PRKN: variants seen among roughly 807,000 people sequenced by gnomAD.
PRKN encodes parkin RBR E3 ubiquitin protein ligase.
Under a neutral mutation model 59.5 loss-of-function variants are expected in PRKN, and 56 were observed. The observed-to-expected ratio is 0.94, with a 90% CI of 0.76 to 1.18. PRKN has a LOEUF of 1.18. Among genes scored for constraint, PRKN ranks in the 50% most tolerant of loss-of-function variants. The pLI is 0.00. For missense variants in PRKN, 657 were observed against 596.4 expected, an observed-to-expected ratio of 1.10 and a Z score of -1.06; for synonymous variants, 250 against 222.1, an observed-to-expected ratio of 1.13 and a Z score of -1.12.
At chr6:161,501,673 G>C (rs1043463583) in intron 9 of PRKN, among the ~76,000 whole-genome samples, 17 of 152,108 alleles carry the variant, frequency 1.1e-4, no homozygotes, top group Admixed American at 5.9e-4. Flanking sequence ...ATCTGCAACT[G>C]TCTCTCTTCT....
chr6:161,863,327 A>T (rs537921505), intron 6 of PRKN, among the ~76,000 whole-genome samples: 4,754 of 149,532 alleles, frequency 0.032, 239 homozygotes, highest in African/African-American at 0.11. Context: ...GGATTTATTA[A>T]AAAAAAAAAG....
chr6:161,845,445 C>T (rs1055403223), intron 6 of PRKN, among the ~76,000 whole-genome samples: 1 of 152,184 alleles, frequency 6.6e-6, no homozygotes, highest in African/African-American at 2.4e-5. Context: ...GATGCTAGCA[C>T]ACCATTTGAC....
At chr6:162,078,925 G>A (rs1300017652) in intron 4 of PRKN, among the ~76,000 whole-genome samples, 1 of 151,958 alleles carries the variant, frequency 6.6e-6, no homozygotes, top group Non-Finnish European at 1.5e-5. Context: ...TAATTTAATA[G>A]ATCAGACCCT....
chr6:161,829,671 T>C (rs1394072446), intron 6 of PRKN, among the ~76,000 whole-genome samples: 2 of 151,944 alleles, frequency 1.3e-5, no homozygotes, highest in East Asian at 3.9e-4. Flanking sequence ...GCAGAAAGCT[T>C]TGTGGACAGA....
chr6:161,896,409 T>C lies in PRKN; in HGVS notation c.734+76893A>G, dbSNP rs1286631310. On this transcript the variant is annotated intron_variant, in intron 6 of 11. Transcript: ENST00000366898. ...GCCCATTTAGCAGAGGCCATGTGTC[T>C]ATCTCCCATCAACAACCATAGTGGA... Among the ~76,000 whole-genome samples the C allele has an allele frequency of 2.0e-5, 3 of 152,146 alleles. No homozygotes were observed. The East Asian group carries it at 5.8e-4, about 29-fold the overall frequency.
chr6:162,338,932 T>C (rs1783988167), intron 2 of PRKN, among the ~76,000 whole-genome samples: 1 of 145,490 alleles, frequency 6.9e-6, no homozygotes, highest in African/African-American at 2.6e-5. Flanking sequence ...GGAGCGCCTC[T>C]GCCCGGCCGC....
At chr6:161,668,703 A>G (rs1450024858) in intron 7 of PRKN, among the ~76,000 whole-genome samples, 2 of 152,212 alleles carry the variant, frequency 1.3e-5, no homozygotes, top group Non-Finnish European at 2.9e-5. Flanking sequence ...AGAAAAAAAT[A>G]CATTATACTT....
At chr6:161,699,230 A>T (rs186943155) in intron 7 of PRKN, among the ~76,000 whole-genome samples, 1 of 152,292 alleles carries the variant, frequency 6.6e-6, no homozygotes, top group East Asian at 1.9e-4. Context: ...GTTGAGAATG[A>T]GGTGGAGGAA....
intron 5 of PRKN, among the ~76,000 whole-genome samples, chr6:161,991,568 G>A (rs546146591): frequency 2.0e-5 from 3 of 152,054 alleles, no homozygotes; most frequent in African/African-American, 4.8e-5. Flanking sequence ...CTGGCCAGGC[G>A]TGGTGGCTCA....
chr6:161,995,879 C>A (rs142393738), intron 5 of PRKN, among the ~76,000 whole-genome samples: 1 of 152,210 alleles, frequency 6.6e-6, no homozygotes, highest in African/African-American at 2.4e-5. Context: ...AGGTGGCTTA[C>A]GCCTGTAATC....
intron 7 of PRKN, among the ~76,000 whole-genome samples, chr6:161,752,799 T>C (rs1425013922): frequency 1.3e-5 from 2 of 152,204 alleles, no homozygotes; most frequent in East Asian, 3.9e-4. Flanking sequence ...GCAAGTTCAG[T>C]AAACAGATAC....
chr6:162,143,531 G>A (rs778582891), intron 4 of PRKN, among the ~76,000 whole-genome samples: 11 of 152,152 alleles, frequency 7.2e-5, no homozygotes, highest in Non-Finnish European at 1.0e-4. Context: ...ACTTCTGTCA[G>A]CTTTAAAATC....
At chr6:162,718,025 C>T (rs1314719703) in intron 1 of PRKN, among the ~76,000 whole-genome samples, 1 of 152,168 alleles carries the variant, frequency 6.6e-6, no homozygotes, top group East Asian at 1.9e-4. Flanking sequence ...TGCCGGTATA[C>T]TTCCTGATAT....
At chr6:162,598,571 G>A (rs1400584679) in intron 1 of PRKN, among the ~76,000 whole-genome samples, 1 of 152,168 alleles carries the variant, frequency 6.6e-6, no homozygotes, top group African/African-American at 2.4e-5. Flanking sequence ...GTTGTTGCAA[G>A]GCTGGGCACG....
At chr6:162,184,075 A>G (rs1030978595) in intron 4 of PRKN, among the ~76,000 whole-genome samples, 2 of 152,198 alleles carry the variant, frequency 1.3e-5, no homozygotes, top group African/African-American at 2.4e-5. Context: ...CTTTAATTTT[A>G]ATTCATGAAA....
At chr6:161,786,808 G>A (rs934539992) in intron 6 of PRKN, among the ~76,000 whole-genome samples, 8 of 151,872 alleles carry the variant, frequency 5.3e-5, no homozygotes, top group South Asian at 2.1e-4. Context: ...GTGCCATCTC[G>A]AAACCATCCA....
At chr6:161,382,438 C>A (rs1786038001) in intron 10 of PRKN, among the ~76,000 whole-genome samples, 1 of 152,186 alleles carries the variant, frequency 6.6e-6, no homozygotes. Flanking sequence ...TGAAATTGAT[C>A]TCTTCTGCGG....
chr6:162,636,396 C>T (rs914371905), intron 1 of PRKN, among the ~76,000 whole-genome samples: 1 of 152,064 alleles, frequency 6.6e-6, no homozygotes, highest in Non-Finnish European at 1.5e-5. Context: ...AGAAATAAAC[C>T]AACCAATAAA....
At chr6:162,240,785 T>G (rs1778954344) in intron 3 of PRKN, among the ~76,000 whole-genome samples, 1 of 152,188 alleles carries the variant, frequency 6.6e-6, no homozygotes, top group Non-Finnish European at 1.5e-5. Flanking sequence ...GGGAAATAAA[T>G]CAATACTTAA....
Sources: allele counts gnomAD v4.1 joint callset (sites outside exome capture counted in the v4.1 genomes callset), GRCh38; gene constraint gnomAD v4.1.1; transcripts MANE v1.5; gene names NCBI Gene and HGNC (gene_info 2026-07-23, HGNC 2026-07-21).